Variants in CDH23 observed in about 807,000 individuals in gnomAD.
The protein encoded by CDH23 is cadherin-23.
Under a neutral mutation model 317.1 loss-of-function variants are expected in CDH23, and 189 were observed. That is an observed-to-expected ratio of 0.60 (90% confidence interval 0.53 to 0.67). The LOEUF (loss-of-function observed/expected upper bound fraction) is 0.67, where lower values mean the gene tolerates loss of function less well. Among genes scored for constraint, CDH23 ranks in the 30% least tolerant of loss-of-function variants. The probability of loss-of-function intolerance (pLI) is 0.00; values close to 1 mark genes in which losing one functional copy is unlikely to be tolerated. For missense variants in CDH23, 4,401 were observed against 4,592.4 expected, an observed-to-expected ratio of 0.96 and a Z score of 1.20; for synonymous variants, 1,839 against 1,876.8, an observed-to-expected ratio of 0.98 and a Z score of 0.52.
At chr10:71,753,064 T>C in intron 38 of CDH23, 1 of 1,576,370 alleles carries the variant, frequency 6.3e-7, no homozygotes, top group Non-Finnish European at 8.6e-7. Flanking sequence ...ACAACATCCC[T>C]GCCCCTGCTG....
rs1865827494 is a variant in CDH23, at chr10:71,707,261, C to T, written c.3106+212C>T. On this transcript the variant is annotated intron_variant, in intron 26 of 69. Coordinates refer to ENST00000224721, the MANE Select transcript of CDH23 (RefSeq NM_022124.6). ...AGCTGGATCACTCTGGACTGGCTCC[C>T]TGGGGACCTCCTGAACCTGTTGGTT... 2.8e-6 allele frequency: 4 copies of T among 1,448,236 alleles called. No individual in the cohort carries two copies. In the East Asian group the frequency reaches 7.5e-5, roughly 27 times the overall value. 89.7% of individuals were successfully genotyped at this position (1,448,236 alleles called of 1,614,324 possible). A position where few individuals can be genotyped will look rare whatever the true frequency, so the allele number is the denominator to read the frequency against.
intron 34 of CDH23, among the ~76,000 whole-genome samples, chr10:71,737,018 A>G (rs1839585462): frequency 6.6e-6 from 1 of 152,188 alleles, no homozygotes; most frequent in African/African-American, 2.4e-5. Flanking sequence ...GTGTGAGGAA[A>G]CACGGTGAGT....
At position 71,712,821 on chromosome 10, in the gene CDH23, GC is replaced by G. The variant is rs1564749438; in HGVS notation, c.3369+11del. 6.2e-7 allele frequency: 1 copy of G among 1,609,480 alleles called. No individual in the cohort carries two copies. Among genetic ancestry groups the G allele is most frequent in the South Asian group, 1.1e-5 (1 of 90,152 alleles). ...GGCCACAGCATCTTGCAGGCAGGTG[GC>G]CCGTGGCCTCTGGGGCAGGTGGTGG... On this transcript the variant is annotated intron_variant, in intron 28 of 69. Coordinates refer to ENST00000224721, the MANE Select transcript of CDH23 (RefSeq NM_022124.6).
intron 22 of CDH23, among the ~76,000 whole-genome samples, chr10:71,701,753 A>T (rs1056325655): frequency 1.0e-4 from 14 of 134,966 alleles, no homozygotes; most frequent in African/African-American, 4.6e-4. Flanking sequence ...GGAGGAACCC[A>T]GTCTCCAAAA....
At chr10:71,618,587 G>T (rs113700579) in intron 11 of CDH23, among the ~76,000 whole-genome samples, 2 of 152,154 alleles carry the variant, frequency 1.3e-5, no homozygotes, top group East Asian at 3.8e-4. Flanking sequence ...GCTTCTCTTC[G>T]ATTACTCCTT....
chr10:71,486,132 A>T (rs977090313), intron 3 of CDH23, among the ~76,000 whole-genome samples: 3 of 152,242 alleles, frequency 2.0e-5, no homozygotes, highest in Non-Finnish European at 4.4e-5. Flanking sequence ...GGGAGAATTA[A>T]GCTGCGAAGA....
intron 6 of CDH23, among the ~76,000 whole-genome samples, chr10:71,556,321 C>G (rs770638560): frequency 6.6e-6 from 1 of 152,210 alleles, no homozygotes; most frequent in Non-Finnish European, 1.5e-5. Context: ...GAGGAGGCAG[C>G]TGGGCACCAT....
chr10:71,544,916 G>A (rs1051290719), intron 6 of CDH23, among the ~76,000 whole-genome samples: 3 of 152,184 alleles, frequency 2.0e-5, no homozygotes, highest in African/African-American at 7.2e-5. Context: ...TTAGAGGTTG[G>A]AGGTGGTCTG....
chr10:71,589,006 C>T (rs1859277612), intron 9 of CDH23, among the ~76,000 whole-genome samples: 1 of 152,226 alleles, frequency 6.6e-6, no homozygotes, highest in Non-Finnish European at 1.5e-5. Flanking sequence ...TCCCCACTCA[C>T]ACGCAAACAG....
intron 11 of CDH23, among the ~76,000 whole-genome samples, chr10:71,629,874 C>T (rs1861920962): frequency 6.6e-6 from 1 of 151,958 alleles, no homozygotes; most frequent in African/African-American, 2.4e-5. Context: ...GTGGGGGACA[C>T]AAAAATGTTT....
intron 11 of CDH23, among the ~76,000 whole-genome samples, chr10:71,641,125 C>A (rs1862527006): frequency 6.6e-6 from 1 of 152,162 alleles, no homozygotes; most frequent in Non-Finnish European, 1.5e-5. Context: ...AACTGCTCAC[C>A]TTTTTCTCGA....
rs142857685 is a variant in CDH23, at chr10:71,806,270, G to C, written c.8167G>C (p.Val2723Leu). The C allele has an allele frequency of 2.6e-4, 407 of 1,557,966 alleles. 5 individuals carry two copies. The African/African-American group carries it at 3.3e-3, about 12-fold the overall frequency. Residue 2723 changes from valine to leucine, a missense_variant, in exon 57 of 70, where the codon GTG becomes CTG. Coordinates refer to ENST00000224721, the MANE Select transcript of CDH23 (RefSeq NM_022124.6). ...EDIDDNEPLFVRPPKGSPQYQ... is the reference protein window; with the variant it reads ...EDIDDNEPLFLRPPKGSPQYQ... ...CATCGATGACAACGAACCCCTTTTC[G>C]TGAGGCCTCCAGTGAGCTTGCCCAC...
At chr10:71,785,596 G>A in intron 43 of CDH23, 35 bp from the exon 44 acceptor site, 6 of 1,342,658 alleles carry the variant, frequency 4.5e-6, no homozygotes, top group East Asian at 4.9e-5. Flanking sequence ...GCAGGGAAAA[G>A]GTCTCCATGC....
intron 38 of CDH23, among the ~76,000 whole-genome samples, chr10:71,774,224 G>A (rs1840764910): frequency 7.4e-6 from 1 of 135,060 alleles, no homozygotes; most frequent in South Asian, 2.7e-4. Flanking sequence ...TCAGCTGTCC[G>A]CCTGGCTGTG....
At chr10:71,726,452 TG>T (rs1321903790) in intron 30 of CDH23, among the ~76,000 whole-genome samples, 1 of 152,032 alleles carries the variant, frequency 6.6e-6, no homozygotes, top group Non-Finnish European at 1.5e-5. Flanking sequence ...TGTGCTGGGG[TG>T]GGTGACTCAG....
chr10:71,611,965 G>A (rs1027603768), intron 9 of CDH23, among the ~76,000 whole-genome samples: 1 of 152,096 alleles, frequency 6.6e-6, no homozygotes, highest in African/African-American at 2.4e-5. Flanking sequence ...TGAATGAGAC[G>A]TGCCCTTGGC....
intron 9 of CDH23, among the ~76,000 whole-genome samples, chr10:71,614,633 C>A (rs1861085619): frequency 6.6e-6 from 1 of 152,192 alleles, no homozygotes; most frequent in Non-Finnish European, 1.5e-5. Flanking sequence ...GTGGCTACTG[C>A]CTGTGGGGAC....
intron 1 of CDH23, among the ~76,000 whole-genome samples, chr10:71,433,165 C>T (rs1849473742): frequency 6.6e-6 from 1 of 152,198 alleles, no homozygotes; most frequent in South Asian, 2.1e-4. Flanking sequence ...ACCCTGGCTT[C>T]ACTCCACAGT....
intron 1 of CDH23, among the ~76,000 whole-genome samples, chr10:71,415,256 T>G (rs1028586693): frequency 3.9e-5 from 6 of 152,060 alleles, no homozygotes; most frequent in African/African-American, 1.4e-4. Flanking sequence ...CTATCACACC[T>G]GGCTAATTTT....
Sources: gnomAD v4.1 joint callset for allele counts (sites outside exome capture counted in the v4.1 genomes callset) on GRCh38, gnomAD v4.1.1 for gene constraint, MANE v1.5 for transcripts, NCBI Gene and HGNC (gene_info 2026-07-23, HGNC 2026-07-21) for gene names.